Variants in EPN2 observed in about 807,000 individuals in gnomAD.
EPN2 encodes the protein epsin-2.
A neutral mutation model predicts 61.7 loss-of-function variants in EPN2; 34 were observed. The observed-to-expected ratio is 0.55, with a 90% CI of 0.42 to 0.73. The LOEUF (loss-of-function observed/expected upper bound fraction) is 0.73, where lower values mean the gene tolerates loss of function less well. Ranked by LOEUF, EPN2 falls within the 30% of genes least tolerant of loss-of-function variation. The probability of loss-of-function intolerance (pLI) is 0.00; values close to 1 mark genes in which losing one functional copy is unlikely to be tolerated. For missense variants in EPN2, 714 were observed against 839.2 expected, an observed-to-expected ratio of 0.85 and a Z score of 1.84; for synonymous variants, 349 against 353.6, an observed-to-expected ratio of 0.99 and a Z score of 0.15.
chr17:19,255,242 C>T (rs2045061622), intron 1 of EPN2, among the ~76,000 whole-genome samples: 1 of 152,042 alleles, frequency 6.6e-6, no homozygotes, highest in Non-Finnish European at 1.5e-5. Context: ...GGTCCCAGGA[C>T]AAGGAGAATC....
intron 1 of EPN2, among the ~76,000 whole-genome samples, chr17:19,250,611 C>T (rs914768529): frequency 1.3e-5 from 2 of 152,138 alleles, no homozygotes; most frequent in African/African-American, 4.8e-5. Flanking sequence ...TGTACTGTTG[C>T]CTGGTAACAG....
At chr17:19,314,568 A>G (rs1906297209) in intron 7 of EPN2, among the ~76,000 whole-genome samples, 1 of 152,186 alleles carries the variant, frequency 6.6e-6, no homozygotes, top group Non-Finnish European at 1.5e-5. Context: ...TCCAGAAGAC[A>G]CTGTCAGCCC....
At chr17:19,325,935 A>AAG (rs1264655179) in intron 7 of EPN2, among the ~76,000 whole-genome samples, 2 of 152,224 alleles carry the variant, frequency 1.3e-5, no homozygotes, top group African/African-American at 4.8e-5. Flanking sequence ...CTGGGTACAA[A>AAG]AGAGTATACA....
chr17:19,314,932 T>C (rs899423793), intron 7 of EPN2, among the ~76,000 whole-genome samples: 3 of 152,184 alleles, frequency 2.0e-5, no homozygotes, highest in Admixed American at 6.5e-5. Context: ...CCATAAGTTA[T>C]GGTTAGGATG....
In EPN2 at chr17:19,328,785, T is replaced by G. The variant is rs1907020437; in HGVS notation, c.1222T>G (p.Ser408Ala). The G allele has an allele frequency of 6.2e-7, 1 of 1,613,422 alleles. No individual in the cohort carries two copies. ...CACCGTACAATCTGTCCCCAAGAAC[T>G]CGGACCCCTGGGCAGCTTCACAGCA... ...GATVQSVPKN[S>A]DPWAASQQPA... Residue 408 changes from serine to alanine, a missense_variant, in exon 8 of 11, where the codon TCG becomes GCG. Coordinates refer to ENST00000314728, the MANE Select transcript of EPN2 (RefSeq NM_014964.5).
chr17:19,322,139 G>C (rs927927203), intron 7 of EPN2, among the ~76,000 whole-genome samples: 12 of 152,328 alleles, frequency 7.9e-5, no homozygotes, highest in African/African-American at 2.9e-4. Context: ...GGAGTGAAGT[G>C]TCAGAAGAAG....
chr17:19,292,032 G>A (rs77421602), intron 4 of EPN2, among the ~76,000 whole-genome samples: 2,093 of 152,328 alleles, frequency 0.014, 53 homozygotes, highest in African/African-American at 0.047. Context: ...CATCTGAAAA[G>A]GGAGTCCTAC....
At chr17:19,267,762 C>T (rs568822082) in intron 1 of EPN2, among the ~76,000 whole-genome samples, 21 of 152,148 alleles carry the variant, frequency 1.4e-4, no homozygotes, top group African/African-American at 4.3e-4. Context: ...AGGCTGGTCT[C>T]GAACTCCTGA....
rs368369099 is a variant in EPN2 at position 19,241,576 on chromosome 17, C to T, written c.-294+4045C>T. ...GCTCCAGCTTGGCGACAGAGCAAGA[C>T]TCTGTCTCAAAAAAAAAAAAAAAAA... On this transcript the variant is annotated intron_variant, in intron 1 of 10. Coordinates refer to ENST00000314728, the MANE Select transcript of EPN2 (RefSeq NM_014964.5). Among the ~76,000 whole-genome samples, 429 of 134,664 alleles carry T rather than the reference C, an allele frequency of 3.2e-3. 4 individuals carry two copies. Among genetic ancestry groups the T allele is most frequent in the African/African-American group, 0.012 (415 of 35,776 alleles). 88.3% of individuals were successfully genotyped at this position (134,664 alleles called of 152,430 possible).
At chr17:19,248,791 A>G (rs2044980940) in intron 1 of EPN2, among the ~76,000 whole-genome samples, 1 of 152,232 alleles carries the variant, frequency 6.6e-6, no homozygotes, top group Non-Finnish European at 1.5e-5. Flanking sequence ...CTCTTGCCTC[A>G]GTAACAAGTA....
At chr17:19,250,694 T>C (rs931375277) in intron 1 of EPN2, among the ~76,000 whole-genome samples, 1 of 152,078 alleles carries the variant, frequency 6.6e-6, no homozygotes, top group African/African-American at 2.4e-5. Context: ...ACTTCCACCC[T>C]CCACATGGTG....
At chr17:19,249,046 AGCT>A (rs1405085066) in intron 1 of EPN2, among the ~76,000 whole-genome samples, 1 of 152,240 alleles carries the variant, frequency 6.6e-6, no homozygotes, top group East Asian at 1.9e-4. Flanking sequence ...GCAGAGGCCC[AGCT>A]GCCTGCTGAC....
chr17:19,288,619 C>T (rs994124226), intron 4 of EPN2, among the ~76,000 whole-genome samples: 18 of 151,946 alleles, frequency 1.2e-4, no homozygotes, highest in Non-Finnish European at 2.5e-4. Flanking sequence ...AGTGAGGTGG[C>T]GATGAGTGAC....
intron 1 of EPN2, among the ~76,000 whole-genome samples, 165 bp downstream of exon 1, chr17:19,237,696 G>A (rs1567837991): frequency 6.6e-6 from 1 of 152,066 alleles, no homozygotes; most frequent in Non-Finnish European, 1.5e-5. Flanking sequence ...CCAGGCTCTG[G>A]GGGATCCCCT....
intron 1 of EPN2, among the ~76,000 whole-genome samples, chr17:19,245,954 C>T (rs1404536528): frequency 6.6e-6 from 1 of 152,086 alleles, no homozygotes; most frequent in Non-Finnish European, 1.5e-5. Flanking sequence ...CGTGAGCCAC[C>T]ATGCCCGGCC....
At chr17:19,320,080 G>T (rs1196599740) in intron 7 of EPN2, among the ~76,000 whole-genome samples, 1 of 152,376 alleles carries the variant, frequency 6.6e-6, no homozygotes, top group East Asian at 1.9e-4. Context: ...CTCTGCAGGG[G>T]CTCAGGCATC....
At chr17:19,287,364 A>G (rs2045416334) in intron 4 of EPN2, among the ~76,000 whole-genome samples, 1 of 152,066 alleles carries the variant, frequency 6.6e-6, no homozygotes, top group Admixed American at 6.6e-5. Context: ...AAGATTTCTC[A>G]TGCCCCAGAT....
chr17:19,330,884 C>G (rs895633950), intron 9 of EPN2, among the ~76,000 whole-genome samples: 1 of 152,172 alleles, frequency 6.6e-6, no homozygotes, highest in Non-Finnish European at 1.5e-5. Flanking sequence ...TGCCTGTGGT[C>G]CCAGCTAGTC....
chr17:19,331,341 G>A (rs1271600229), intron 9 of EPN2, among the ~76,000 whole-genome samples: 4 of 152,146 alleles, frequency 2.6e-5, no homozygotes, highest in Non-Finnish European at 4.4e-5. Flanking sequence ...AATGACTGTT[G>A]TTAAGAATTC....
Sources: allele counts gnomAD v4.1 joint callset (sites outside exome capture counted in the v4.1 genomes callset), GRCh38; gene constraint gnomAD v4.1.1; transcripts MANE v1.5; gene names NCBI Gene and HGNC (gene_info 2026-07-23, HGNC 2026-07-21).